Variants in PDE9A observed in about 807,000 individuals in gnomAD.
The protein encoded by PDE9A is phosphodiesterase 9A.
Under a neutral mutation model 87.4 loss-of-function variants are expected in PDE9A, and 60 were observed. That is an observed-to-expected ratio of 0.69 (90% CI 0.56 to 0.85). The LOEUF (loss-of-function observed/expected upper bound fraction) is 0.85. Among genes scored for constraint, PDE9A ranks in the 40% least tolerant of loss-of-function variants. PDE9A has a pLI of 0.00. For synonymous variants in PDE9A, 272 were observed against 279.4 expected, an observed-to-expected ratio of 0.97 and a Z score of 0.27; for missense variants, 665 against 779.0, an observed-to-expected ratio of 0.85 and a Z score of 1.74.
chr21:42,684,393 G>A (rs904858911), intron 1 of PDE9A, among the ~76,000 whole-genome samples: 3 of 152,164 alleles, frequency 2.0e-5, no homozygotes, highest in African/African-American at 7.2e-5. Context: ...AAATGGCCAC[G>A]ACCCCAGCCC....
chr21:42,700,073 T>C (rs1417841523), intron 4 of PDE9A, among the ~76,000 whole-genome samples: 1 of 152,176 alleles, frequency 6.6e-6, no homozygotes, highest in East Asian at 1.9e-4. Flanking sequence ...TCTGACATCA[T>C]CCATGAGATT....
chr21:42,690,852 C>T (rs1569154658), intron 3 of PDE9A, among the ~76,000 whole-genome samples: 2 of 152,150 alleles, frequency 1.3e-5, no homozygotes, highest in Non-Finnish European at 2.9e-5. Context: ...TCCTGCCTTC[C>T]CAGCTCTGCA....
Position 42,686,273 on chromosome 21 carries a change from G to C in PDE9A, c.140+11G>C, listed in dbSNP as rs564793992. 14 of 1,607,436 alleles carry C rather than the reference G, an allele frequency of 8.7e-6. No individual in the cohort carries two copies. The highest frequency in any genetic ancestry group is 5.3e-5 in the African/African-American group (4 of 74,946). On this transcript the variant is annotated intron_variant, in intron 2 of 19. Coordinates refer to ENST00000291539, the MANE Select transcript of PDE9A (RefSeq NM_002606.3). ...CACCGGCCTGCCTCGGTGAGTGCGC[G>C]CTGCGGGCTCTGCCCGGTGACGCCA...
Position 42,743,870 on chromosome 21 carries a change from G to T in PDE9A, c.653+10G>T. The T allele has an allele frequency of 6.5e-7, 1 of 1,542,390 alleles. No individual in the cohort carries two copies. Among genetic ancestry groups the T allele is most frequent in the Non-Finnish European group, 8.8e-7 (1 of 1,132,850 alleles). ...CGGCCAGAAGCAGCAGGTAGGGTCT[G>T]CGCTGGGGCCACGGGCGGCCGGGCC... On this transcript the variant is annotated intron_variant, in intron 8 of 19. Transcript: ENST00000291539.
chr21:42,752,807 G>A lies in PDE9A; in HGVS notation c.736-1183G>A, dbSNP rs74826097. Among the ~76,000 whole-genome samples the A allele has an allele frequency of 5.1e-3, 770 of 152,314 alleles. 4 individuals carry two copies. Among genetic ancestry groups the A allele is most frequent in the Non-Finnish European group, 9.4e-3 (642 of 68,040 alleles). ...CTTCTGTATAGAACCACAGCCTTCT[G>A]TCCTTGTGACAGCTTAACCTAAAGC... is the stretch of plus-strand genomic sequence containing the variant. On this transcript the variant is annotated intron_variant, in intron 9 of 19. Coordinates refer to ENST00000291539, the MANE Select transcript of PDE9A (RefSeq NM_002606.3).
intron 1 of PDE9A, among the ~76,000 whole-genome samples, chr21:42,680,073 C>A (rs867138445): frequency 3.9e-5 from 6 of 152,212 alleles, no homozygotes; most frequent in African/African-American, 1.4e-4. Flanking sequence ...TGGGCTCTCG[C>A]AGCCTGCAGC....
chr21:42,661,959 C>T (rs1177606754), intron 1 of PDE9A, among the ~76,000 whole-genome samples: 1 of 152,100 alleles, frequency 6.6e-6, no homozygotes, highest in Non-Finnish European at 1.5e-5. Context: ...CAGATGGGGC[C>T]GATTTGTCAT....
At chr21:42,757,179 G>T (rs2055164369) in intron 10 of PDE9A, 1 of 152,296 alleles carries the variant, frequency 6.6e-6, no homozygotes. Context: ...AAAAGCCAGT[G>T]CAGTGCCCTG....
At chr21:42,687,105 A>C (rs1005224155) in intron 2 of PDE9A, among the ~76,000 whole-genome samples, 16 of 152,192 alleles carry the variant, frequency 1.1e-4, no homozygotes, top group African/African-American at 3.9e-4. Flanking sequence ...TTATCAGCAA[A>C]CTTTCCAAAT....
chr21:42,678,678 T>C (rs1410018430), intron 1 of PDE9A, among the ~76,000 whole-genome samples: 2 of 152,264 alleles, frequency 1.3e-5, no homozygotes, highest in Non-Finnish European at 2.9e-5. Flanking sequence ...GAAGGGGCCA[T>C]ATATCCGTCA....
intron 4 of PDE9A, 50 bp from the exon 5 acceptor site, chr21:42,731,720 A>G (rs1347351718): frequency 6.4e-7 from 1 of 1,560,892 alleles, no homozygotes; most frequent in Admixed American, 1.8e-5. Flanking sequence ...CCTGGACACT[A>G]AGAGGAAACT....
chr21:42,656,573 C>T (rs534125673), intron 1 of PDE9A, among the ~76,000 whole-genome samples: 10 of 144,374 alleles, frequency 6.9e-5, no homozygotes, highest in African/African-American at 2.2e-4. Context: ...TCAGAGGAGC[C>T]GCTGCAGCCA....
chr21:42,655,657 A>C (rs1266177845), intron 1 of PDE9A, among the ~76,000 whole-genome samples: 1 of 152,194 alleles, frequency 6.6e-6, no homozygotes, highest in Non-Finnish European at 1.5e-5. Flanking sequence ...AAGGGATAAT[A>C]AAATCTGCTT....
rs777347312 is a variant in PDE9A at position 42,695,550 on chromosome 21, C to T, written c.219-3418C>T. Among the ~76,000 whole-genome samples the T allele has an allele frequency of 2.0e-5, 3 of 152,204 alleles. No homozygotes were observed. Among genetic ancestry groups the T allele is most frequent in the African/African-American group, 4.8e-5 (2 of 41,446 alleles). On this transcript the variant is annotated intron_variant, in intron 3 of 19. Coordinates refer to ENST00000291539, the MANE Select transcript of PDE9A (RefSeq NM_002606.3). This position sits in a 1 kb window ranked among gnomAD's most constrained non-coding sequence, Gnocchi z 4.3. ...CCATTGCTCCTTTTGTTCCCGGTTT[C>T]GGCCAAGTTGTGCCGCAGGTGACTC...
chr21:42,775,487 A>G lies in PDE9A; in HGVS notation c.*194A>G, dbSNP rs2057418650. On this transcript the variant is annotated 3_prime_UTR_variant, in exon 20 of 20. Coordinates refer to ENST00000291539, the MANE Select transcript of PDE9A (RefSeq NM_002606.3). ...AATTTTATTTTTAAACTGTCTTTTAAATAATATATTCTTATACGGAAATGG... is the reference window on the plus strand; with the variant it reads ...AATTTTATTTTTAAACTGTCTTTTAGATAATATATTCTTATACGGAAATGG... The G allele has an allele frequency of 1.9e-6, 1 of 518,960 alleles. No homozygotes were observed. The highest frequency in any genetic ancestry group is 3.4e-6 in the Non-Finnish European group (1 of 291,040). The allele number at this position is 518,960 out of a possible 1,614,324, so 32.1% of individuals were successfully genotyped here. A position where few individuals can be genotyped will look rare whatever the true frequency, so the allele number is the denominator to read the frequency against.
intron 8 of PDE9A, among the ~76,000 whole-genome samples, chr21:42,746,175 C>T (rs1411362053): frequency 1.3e-5 from 2 of 152,184 alleles, no homozygotes; most frequent in Non-Finnish European, 2.9e-5. Flanking sequence ...GGCGAGTGCT[C>T]GGATCACACG....
chr21:42,755,050 AC>A (rs1343612968), intron 10 of PDE9A, among the ~76,000 whole-genome samples: 1 of 151,888 alleles, frequency 6.6e-6, no homozygotes, highest in Admixed American at 6.6e-5. Context: ...TGGCTAATAG[AC>A]CCCCTCTTTT....
intron 17 of PDE9A, among the ~76,000 whole-genome samples, 194 bp downstream of exon 17, chr21:42,769,349 A>G (rs34049592): frequency 0.31 from 46,578 of 150,626 alleles, 8,992 homozygotes; most frequent in Non-Finnish European, 0.43. Context: ...ACACACAGGC[A>G]CACACACAGG....
rs1235876187 is a variant in PDE9A, at chr21:42,739,597, C to T, written c.569-4179C>T. ...CCATCTACTTGGCCAACAGCCTCTT[C>T]ATAAACTTAATTGCCACAAATTCTG... On this transcript the variant is annotated intron_variant, in intron 7 of 19. Transcript: ENST00000291539. This position sits in a 1 kb window ranked among gnomAD's most constrained non-coding sequence, Gnocchi z 4.1. Among the ~76,000 whole-genome samples the T allele has an allele frequency of 6.6e-6, 1 of 152,240 alleles. No individual in the cohort carries two copies. The highest frequency in any genetic ancestry group is 6.5e-5 in the Admixed American group (1 of 15,280).
Sources: allele counts gnomAD v4.1 joint callset (sites outside exome capture counted in the v4.1 genomes callset), GRCh38; gene constraint gnomAD v4.1.1; non-coding constraint Gnocchi (gnomAD v3.1); transcripts MANE v1.5; gene names NCBI Gene and HGNC (gene_info 2026-07-23, HGNC 2026-07-21).